Variants in SNTG1 observed in about 807,000 individuals in gnomAD.
The protein encoded by SNTG1 is syntrophin gamma 1, also known as gamma-1-syntrophin.
A neutral mutation model predicts 74.7 loss-of-function variants in SNTG1; 39 were observed. The ratio of observed to expected loss-of-function variants is 0.52; its 90% CI spans 0.40 to 0.68. The LOEUF is 0.68. Among genes scored for constraint, SNTG1 ranks in the 30% least tolerant of loss-of-function variants. The pLI, the probability that SNTG1 is intolerant of heterozygous loss-of-function variation, is 0.00. For synonymous variants in SNTG1, 254 were observed against 217.1 expected, an observed-to-expected ratio of 1.17 and a Z score of -1.49; for missense variants, 685 against 609.5, an observed-to-expected ratio of 1.12 and a Z score of -1.30.
chr8:50,668,526 A>G (rs1019955376), intron 15 of SNTG1, among the ~76,000 whole-genome samples: 2 of 86,824 alleles, frequency 2.3e-5, no homozygotes, highest in Non-Finnish European at 5.7e-5. Context: ...TATTATTATT[A>G]TTATTATTAT....
At chr8:50,556,762 A>T (rs1450861289) in intron 12 of SNTG1, among the ~76,000 whole-genome samples, 1 of 152,174 alleles carries the variant, frequency 6.6e-6, no homozygotes, top group Non-Finnish European at 1.5e-5. Context: ...ACTTCCTGGC[A>T]TTTACACCCT....
chr8:50,481,343 T>A (rs1256188218), intron 8 of SNTG1, among the ~76,000 whole-genome samples: 1 of 152,146 alleles, frequency 6.6e-6, no homozygotes, highest in Non-Finnish European at 1.5e-5. Flanking sequence ...ATCACGCCAT[T>A]GCACTCCAGC....
intron 1 of SNTG1, among the ~76,000 whole-genome samples, chr8:50,004,942 T>A (rs536806363): frequency 6.6e-6 from 1 of 152,174 alleles, no homozygotes. Context: ...TGAATTAAAC[T>A]GCGCATGAAA....
chr8:50,725,657 G>T (rs917183347), intron 17 of SNTG1, among the ~76,000 whole-genome samples: 1 of 152,146 alleles, frequency 6.6e-6, no homozygotes, highest in African/African-American at 2.4e-5. Context: ...CCAGAGGACA[G>T]GTTGCAGCAA....
At chr8:50,384,428 C>A (rs1455061625) in intron 2 of SNTG1, among the ~76,000 whole-genome samples, 2 of 152,178 alleles carry the variant, frequency 1.3e-5, no homozygotes, top group Admixed American at 1.3e-4. Context: ...ATAGGAAAGG[C>A]AAATTCATAT....
chr8:50,061,003 A>T (rs1213845168), intron 1 of SNTG1, among the ~76,000 whole-genome samples: 2 of 152,116 alleles, frequency 1.3e-5, no homozygotes, highest in African/African-American at 4.8e-5. Flanking sequence ...GGAAGATTTG[A>T]ATATAGTTTA....
chr8:50,571,853 C>G (rs1225238836), intron 12 of SNTG1, among the ~76,000 whole-genome samples: 1 of 152,058 alleles, frequency 6.6e-6, no homozygotes, highest in Non-Finnish European at 1.5e-5. Context: ...CAAAAGAAAT[C>G]ACTTTGAGTG....
intron 18 of SNTG1, among the ~76,000 whole-genome samples, chr8:50,755,104 A>T (rs2095577041): frequency 6.6e-6 from 1 of 151,774 alleles, no homozygotes; most frequent in South Asian, 2.1e-4. Context: ...ACTTACAGTG[A>T]CACATCATTA....
At chr8:50,534,692 G>A (rs2130376008) in intron 10 of SNTG1, among the ~76,000 whole-genome samples, 1 of 152,110 alleles carries the variant, frequency 6.6e-6, no homozygotes, top group South Asian at 2.1e-4. Context: ...GAGGCAGGAG[G>A]ACCACTTGAC....
chr8:49,953,726 T>C (rs1195240124), intron 1 of SNTG1, among the ~76,000 whole-genome samples: 2 of 152,178 alleles, frequency 1.3e-5, no homozygotes, highest in African/African-American at 4.8e-5. Flanking sequence ...TATTCAGGCA[T>C]TGGTATTGTT....
At chr8:50,176,120 GTT>G (rs1021423994) in intron 2 of SNTG1, among the ~76,000 whole-genome samples, 5 of 151,488 alleles carry the variant, frequency 3.3e-5, no homozygotes, top group African/African-American at 1.2e-4. Flanking sequence ...TTAATACATA[GTT>G]TTTTTTTGCT....
intron 15 of SNTG1, among the ~76,000 whole-genome samples, chr8:50,660,093 G>A (rs1416429726): frequency 1.3e-5 from 2 of 151,998 alleles, no homozygotes; most frequent in Admixed American, 1.3e-4. Flanking sequence ...GCCTACCTCC[G>A]CCTCCCAAAG....
intron 15 of SNTG1, among the ~76,000 whole-genome samples, chr8:50,669,159 C>T (rs185427328): frequency 6.6e-6 from 1 of 151,668 alleles, no homozygotes; most frequent in East Asian, 1.9e-4. Context: ...CATTCAAAAG[C>T]TAGCAGAAGG....
At chr8:50,393,141 C>T (rs2092684670) in intron 2 of SNTG1, among the ~76,000 whole-genome samples, 2 of 152,136 alleles carry the variant, frequency 1.3e-5, no homozygotes, top group Admixed American at 1.3e-4. Flanking sequence ...TCACAATCCA[C>T]AAGATTTATC....
Position 50,788,267 on chromosome 8 carries a change from C to CA in SNTG1, c.1396-4403dup, listed in dbSNP as rs1296467189. On this transcript the variant is annotated intron_variant, in intron 18 of 18. Transcript: ENST00000642720. ...AGAAGCCTATCTTGAAATCAAGAGC[C>CA]ATAATGGAAACATAATAATGCTATT... Among the ~76,000 whole-genome samples, 3 of 151,966 alleles carry CA rather than the reference C, an allele frequency of 2.0e-5. No individual in the cohort carries two copies. The East Asian group carries it at 5.8e-4, about 29-fold the overall frequency.
At chr8:49,993,227 GA>G (rs943756937) in intron 1 of SNTG1, among the ~76,000 whole-genome samples, 11 of 152,112 alleles carry the variant, frequency 7.2e-5, no homozygotes, top group Admixed American at 2.0e-4. Context: ...AGCCCAGAGT[GA>G]GGTCAGGGCC....
intron 1 of SNTG1, among the ~76,000 whole-genome samples, chr8:50,103,437 T>C (rs187497926): frequency 0.016 from 2,478 of 152,290 alleles, 126 homozygotes; most frequent in South Asian, 0.13. Flanking sequence ...CTGAAGTTGC[T>C]TATCAGCTTA....
At chr8:50,687,570 G>A (rs1054504864) in intron 15 of SNTG1, among the ~76,000 whole-genome samples, 2 of 151,888 alleles carry the variant, frequency 1.3e-5, no homozygotes, top group South Asian at 2.1e-4. Flanking sequence ...AAAGGGATAC[G>A]TTCTTTTTTT....
In SNTG1 at chr8:50,340,350, A is replaced by T. The variant is rs568810845; in HGVS notation, c.-27-53862A>T. On this transcript the variant is annotated intron_variant, in intron 2 of 18. Coordinates refer to ENST00000642720, the MANE Select transcript of SNTG1 (RefSeq NM_018967.5). ...TCTATAAAGCTACATTAACCAAAACAGTGTGGTGTTAGCAAAAGAATAGAC... is the reference window on the plus strand; with the variant it reads ...TCTATAAAGCTACATTAACCAAAACTGTGTGGTGTTAGCAAAAGAATAGAC... Among the ~76,000 whole-genome samples, 14 of 152,122 alleles carry T rather than the reference A, an allele frequency of 9.2e-5. No individual in the cohort carries two copies. In the South Asian group the frequency reaches 2.7e-3, roughly 29 times the overall value.
Sources: allele counts gnomAD v4.1 joint callset (sites outside exome capture counted in the v4.1 genomes callset), GRCh38; gene constraint gnomAD v4.1.1; transcripts MANE v1.5; gene names NCBI Gene and HGNC (gene_info 2026-07-23, HGNC 2026-07-21).